NRXN3: variants seen among roughly 807,000 people sequenced by gnomAD.
NRXN3 encodes the protein neurexin 3.
Under a neutral mutation model 137.6 loss-of-function variants are expected in NRXN3, and 32 were observed. That is an observed-to-expected ratio of 0.23 (90% CI 0.18 to 0.31). The LOEUF is 0.31. Ranked by LOEUF, NRXN3 falls within the 10% of genes least tolerant of loss-of-function variation. The probability of loss-of-function intolerance (pLI) is 1.00; values close to 1 mark genes in which losing one functional copy is unlikely to be tolerated. For synonymous variants in NRXN3, 798 were observed against 784.5 expected, an observed-to-expected ratio of 1.02 and a Z score of -0.29; for missense variants, 1,574 against 2,062.5, an observed-to-expected ratio of 0.76 and a Z score of 4.59.
chr14:79,439,132 G>T (rs1217521919), intron 15 of NRXN3, among the ~76,000 whole-genome samples: 1 of 152,238 alleles, frequency 6.6e-6, no homozygotes, highest in Admixed American at 6.5e-5. Flanking sequence ...GCACCTGCAT[G>T]CCACCCACCA....
At chr14:79,365,587 C>A (rs1471477087) in intron 15 of NRXN3, among the ~76,000 whole-genome samples, 1 of 150,676 alleles carries the variant, frequency 6.6e-6, no homozygotes, top group Non-Finnish European at 1.5e-5. Flanking sequence ...GGCGCGGTGG[C>A]GGGCGCCTGT....
At chr14:78,964,015 T>C (rs2099412964) in intron 11 of NRXN3, among the ~76,000 whole-genome samples, 1 of 152,132 alleles carries the variant, frequency 6.6e-6, no homozygotes, top group Non-Finnish European at 1.5e-5. Context: ...GTAATCTTTC[T>C]GTCTCGGCCT....
intron 16 of NRXN3, among the ~76,000 whole-genome samples, chr14:79,496,108 A>G (rs1248192413): frequency 6.6e-6 from 1 of 152,166 alleles, no homozygotes; most frequent in Non-Finnish European, 1.5e-5. Flanking sequence ...TTCTGGAAGG[A>G]GGAGTGCTTT....
intron 4 of NRXN3, among the ~76,000 whole-genome samples, chr14:78,523,816 C>CAAAAAAAAAAAAAAAAAAAAAAAAAA (rs56083130): frequency 6.5e-5 from 4 of 61,602 alleles, no homozygotes; most frequent in Non-Finnish European, 1.1e-4. Flanking sequence ...GACTCTGTCT[C>CAAAAAAAAAAAAAAAAAAAAAAAAAA]AAAAAAAAAA....
chr14:79,771,201 G>A (rs1420850155), intron 19 of NRXN3, among the ~76,000 whole-genome samples: 1 of 152,138 alleles, frequency 6.6e-6, no homozygotes, highest in Non-Finnish European at 1.5e-5. Flanking sequence ...GAGGTACAAG[G>A]AGGAACTGGT....
chr14:79,849,822 T>C (rs189089054), intron 20 of NRXN3, among the ~76,000 whole-genome samples: 1 of 152,318 alleles, frequency 6.6e-6, no homozygotes, highest in East Asian at 1.9e-4. Context: ...GCAGCATTAC[T>C]GTACCGCATT....
At chr14:78,659,852 A>G (rs2097821495) in intron 6 of NRXN3, among the ~76,000 whole-genome samples, 1 of 152,172 alleles carries the variant, frequency 6.6e-6, no homozygotes, top group Non-Finnish European at 1.5e-5. Flanking sequence ...AGTGGGCAGG[A>G]AAGAGAGAGA....
At chr14:79,009,548 G>A (rs2099567368) in intron 15 of NRXN3, among the ~76,000 whole-genome samples, 1 of 152,082 alleles carries the variant, frequency 6.6e-6, no homozygotes, top group African/African-American at 2.4e-5. Flanking sequence ...TGCTGTGGGG[G>A]AGTTTTCTCA....
rs1264574360 is a variant in NRXN3 at position 78,957,222 on chromosome 14, G to A, written c.2276-20G>A. 2 of 1,612,114 alleles carry A rather than the reference G, an allele frequency of 1.2e-6. No homozygotes were observed. Among genetic ancestry groups the A allele is most frequent in the South Asian group, 2.2e-5 (2 of 90,722 alleles). On this transcript the variant is annotated intron_variant, in intron 10 of 20. Transcript: ENST00000335750. ...ACTTTCAGAATTGATTCTAACTTTG[G>A]CACTTACTACCATCCTTAGGCAAAG...
intron 15 of NRXN3, among the ~76,000 whole-genome samples, chr14:79,134,292 T>C (rs1215668774): frequency 6.6e-6 from 1 of 152,260 alleles, no homozygotes; most frequent in Non-Finnish European, 1.5e-5. Flanking sequence ...TTTTTCCCTA[T>C]AGTCTGCCTT....
chr14:79,186,802 T>G (rs1285502166), intron 15 of NRXN3, among the ~76,000 whole-genome samples: 2 of 152,148 alleles, frequency 1.3e-5, no homozygotes, highest in African/African-American at 4.8e-5. Context: ...ATGTAGATTT[T>G]CCTGTATTCA....
intron 4 of NRXN3, among the ~76,000 whole-genome samples, chr14:78,381,101 C>CA (rs1415678816): frequency 1.3e-5 from 2 of 151,982 alleles, no homozygotes; most frequent in African/African-American, 2.4e-5. Context: ...TATCCACTGG[C>CA]AAAAAAATGA....
chr14:79,710,629 G>GGCATGAGATATATAAC (rs1218371694), intron 19 of NRXN3, among the ~76,000 whole-genome samples: 1 of 152,092 alleles, frequency 6.6e-6, no homozygotes, highest in African/African-American at 2.4e-5. Flanking sequence ...AGTTTATGAG[G>GGCATGAGATATATAAC]GCATGAGATA....
intron 6 of NRXN3, among the ~76,000 whole-genome samples, chr14:78,665,551 G>A (rs1299612120): frequency 6.6e-6 from 1 of 152,076 alleles, no homozygotes; most frequent in Admixed American, 6.6e-5. Context: ...ACTTGGGTGG[G>A]GACACAGCCA....
chr14:78,549,326 A>G (rs780555187), intron 4 of NRXN3, among the ~76,000 whole-genome samples: 2 of 152,068 alleles, frequency 1.3e-5, no homozygotes, highest in Non-Finnish European at 2.9e-5. Flanking sequence ...TGCTGTTGCT[A>G]TGTCATTTCT....
At chr14:79,007,820 A>G (rs531965296) in intron 15 of NRXN3, among the ~76,000 whole-genome samples, 1 of 151,666 alleles carries the variant, frequency 6.6e-6, no homozygotes, top group East Asian at 1.9e-4. Flanking sequence ...AAAAAAAAAA[A>G]AAAAAAAAGC....
chr14:78,710,567 G>T (rs1474622259), intron 7 of NRXN3, among the ~76,000 whole-genome samples: 1 of 152,088 alleles, frequency 6.6e-6, no homozygotes, highest in Non-Finnish European at 1.5e-5. Flanking sequence ...ACTCAAGAAG[G>T]GTCTTGGCTT....
rs2099418510 is a variant in NRXN3 at position 79,867,478 on chromosome 14, T to C, written c.*5514T>C. 1 of 152,234 alleles carries C rather than the reference T, an allele frequency of 6.6e-6. No individual in the cohort carries two copies. Among genetic ancestry groups the C allele is most frequent in the South Asian group, 2.1e-4 (1 of 4,832 alleles). 9.4% of individuals were successfully genotyped at this position (152,234 alleles called of 1,614,324 possible). Reference sequence around the variant, plus strand: ...ACTCACAGGGCCTTTCTTCTGTTCATGCACTGAGAGATTTCTTTTTCTTGC... The same window carrying C: ...ACTCACAGGGCCTTTCTTCTGTTCACGCACTGAGAGATTTCTTTTTCTTGC... On this transcript the variant is annotated 3_prime_UTR_variant, in exon 21 of 21. Transcript: ENST00000335750.
intron 15 of NRXN3, among the ~76,000 whole-genome samples, chr14:79,233,492 A>G (rs1340307774): frequency 6.6e-6 from 1 of 152,116 alleles, no homozygotes; most frequent in Non-Finnish European, 1.5e-5. Context: ...GGGCTTTGAC[A>G]CAGATAAACC....
Sources: allele counts gnomAD v4.1 joint callset (sites outside exome capture counted in the v4.1 genomes callset), GRCh38; gene constraint gnomAD v4.1.1; transcripts MANE v1.5; gene names NCBI Gene and HGNC (gene_info 2026-07-23, HGNC 2026-07-21).